GPC6: variants seen among roughly 807,000 people sequenced by gnomAD.
The protein encoded by GPC6 is glypican-6.
GPC6 carries 14 observed loss-of-function variants against 55.2 expected under a neutral mutation model. That is an observed-to-expected ratio of 0.25 (90% CI 0.17 to 0.40). GPC6 has a LOEUF of 0.40. Among genes scored for constraint, GPC6 ranks in the 10% least tolerant of loss-of-function variants. The pLI is 1.00. For synonymous variants in GPC6, 278 were observed against 259.6 expected, an observed-to-expected ratio of 1.07 and a Z score of -0.68; for missense variants, 641 against 708.5, an observed-to-expected ratio of 0.90 and a Z score of 1.08.
upstream of GPC6, among the ~76,000 whole-genome samples, chr13:93,225,170 AGT>A (rs978644823): frequency 1.3e-5 from 2 of 152,164 alleles, no homozygotes; most frequent in African/African-American, 4.8e-5. Context: ...TAGGACAGGA[AGT>A]GTGTGTTTTT....
intron 3 of GPC6, among the ~76,000 whole-genome samples, chr13:93,946,677 G>A (rs1879025685): frequency 1.3e-5 from 2 of 152,258 alleles, no homozygotes; most frequent in South Asian, 4.1e-4. Flanking sequence ...TTTTCCTAGA[G>A]AGGCTGTTAA....
chr13:93,342,052 G>A (rs1246942988), intron 1 of GPC6, among the ~76,000 whole-genome samples: 2 of 151,612 alleles, frequency 1.3e-5, no homozygotes, highest in Non-Finnish European at 2.9e-5. Context: ...TGTATTTTTA[G>A]TAGAGACAGG....
chr13:93,299,927 G>T (rs116924990), intron 1 of GPC6, among the ~76,000 whole-genome samples: 2 of 152,268 alleles, frequency 1.3e-5, no homozygotes, highest in South Asian at 4.1e-4. Flanking sequence ...AATTAATAAA[G>T]CAGGGAAGAT....
rs116489111 is a variant in GPC6, at chr13:93,507,648, T to G, written c.161-37615T>G. Reference sequence around the variant, plus strand: ...ATTTGTCTTTTTATGTTTTTCTTTTTTGGTTCGCCAATATCGACATGAGTG... The same window carrying G: ...ATTTGTCTTTTTATGTTTTTCTTTTGTGGTTCGCCAATATCGACATGAGTG... On this transcript the variant is annotated intron_variant, in intron 1 of 8. Transcript: ENST00000377047. Among the ~76,000 whole-genome samples, 260 of 152,308 alleles carry G rather than the reference T, an allele frequency of 1.7e-3. 2 individuals are homozygous for G. The highest frequency in any genetic ancestry group is 5.7e-3 in the African/African-American group (238 of 41,572).
chr13:93,897,156 G>A (rs1325014242), intron 3 of GPC6, among the ~76,000 whole-genome samples: 1 of 151,938 alleles, frequency 6.6e-6, no homozygotes, highest in Non-Finnish European at 1.5e-5. Flanking sequence ...GTGGTTACCA[G>A]AGGCCGTGAA....
rs77320938 is a variant in GPC6, at chr13:93,641,845, G to A, written c.319+96424G>A. ...TAATAAATAGGTGACACAAACTCAT[G>A]TGATATATACTTTTTTTCAGAAATA... On this transcript the variant is annotated intron_variant, in intron 2 of 8. Transcript: ENST00000377047. Among the ~76,000 whole-genome samples, 1,212 of 152,176 alleles carry A rather than the reference G, an allele frequency of 8.0e-3. 22 individuals are homozygous for A. The highest frequency in any genetic ancestry group is 0.028 in the African/African-American group (1,158 of 41,538).
chr13:94,403,306 G>A lies in GPC6; in HGVS notation c.*89G>A. The A allele has an allele frequency of 1.0e-6, 1 of 961,240 alleles. No homozygotes were observed. The highest frequency in any genetic ancestry group is 1.6e-6 in the Non-Finnish European group (1 of 614,054). The allele number at this position is 961,240 out of a possible 1,614,324, so 59.5% of individuals were successfully genotyped here. A position where few individuals can be genotyped will look rare whatever the true frequency, so the allele number is the denominator to read the frequency against. ...CTTACACTCTTGGACAATGGACCAT[G>A]CCACAAAAACTTACCGTTTTCTATG... is the stretch of plus-strand genomic sequence containing the variant. On this transcript the variant is annotated 3_prime_UTR_variant, in exon 9 of 9. Transcript: ENST00000377047.
chr13:94,107,812 G>T lies in GPC6; in HGVS notation c.877+79918G>T, dbSNP rs145383768. Among the ~76,000 whole-genome samples, 3 of 152,028 alleles carry T rather than the reference G, an allele frequency of 2.0e-5. No homozygotes were observed. The East Asian group carries it at 5.8e-4, about 29-fold the overall frequency. On this transcript the variant is annotated intron_variant, in intron 4 of 8. Transcript: ENST00000377047. ...ATGCTCAACATCACTAACGATCAGG[G>T]AAATGCAAATCAAAACCACAATGTG... is the stretch of plus-strand genomic sequence containing the variant.
chr13:93,608,005 C>G (rs1446233739), intron 2 of GPC6, among the ~76,000 whole-genome samples: 1 of 148,040 alleles, frequency 6.8e-6, no homozygotes, highest in African/African-American at 2.5e-5. Flanking sequence ...ATTCTTTTCT[C>G]TCTTTGGAGC....
intron 1 of GPC6, among the ~76,000 whole-genome samples, chr13:93,439,045 A>T (rs905898686): frequency 6.6e-6 from 1 of 152,208 alleles, no homozygotes. Context: ...ATTTTCTAGC[A>T]GTAAAATATT....
In GPC6 at chr13:94,248,299, C is replaced by T. The variant is rs148752360; in HGVS notation, c.878-38050C>T. Among the ~76,000 whole-genome samples, 83 of 152,166 alleles carry T rather than the reference C, an allele frequency of 5.5e-4. 1 individual carries two copies. The highest frequency in any genetic ancestry group is 1.1e-3 in the Non-Finnish European group (73 of 67,994). On this transcript the variant is annotated intron_variant, in intron 4 of 8. Transcript: ENST00000377047. ...CCTCCTGTTCTGACAGCAACATCTA[C>T]GTTTGGATGAATGCTTCCAAATTTG...
intron 2 of GPC6, among the ~76,000 whole-genome samples, chr13:93,798,562 A>G (rs944134845): frequency 1.3e-5 from 2 of 152,116 alleles, no homozygotes; most frequent in African/African-American, 4.8e-5. Flanking sequence ...GACATGCTAT[A>G]CCTTCCCTGA....
intron 2 of GPC6, among the ~76,000 whole-genome samples, chr13:93,620,945 T>C (rs1288292394): frequency 3.3e-5 from 5 of 152,308 alleles, no homozygotes; most frequent in Non-Finnish European, 5.9e-5. Context: ...TTTTGTGATA[T>C]CTTTTCCCCC....
intron 4 of GPC6, among the ~76,000 whole-genome samples, chr13:94,186,217 T>TTAA (rs201959158): frequency 0.012 from 1,775 of 152,276 alleles, 28 homozygotes; most frequent in African/African-American, 0.04. Context: ...CAGCAATCTT[T>TTAA]TAATATGAGG....
At chr13:93,440,737 C>G (rs1229032312) in intron 1 of GPC6, among the ~76,000 whole-genome samples, 1 of 151,854 alleles carries the variant, frequency 6.6e-6, no homozygotes, top group Non-Finnish European at 1.5e-5. Flanking sequence ...GGTACATGTG[C>G]ACAACGTGCA....
chr13:94,213,571 G>C (rs1248489549), intron 4 of GPC6, among the ~76,000 whole-genome samples: 1 of 152,014 alleles, frequency 6.6e-6, no homozygotes, highest in Non-Finnish European at 1.5e-5. Flanking sequence ...TAGCTCTCGG[G>C]TTGGCAGAGG....
intron 1 of GPC6, among the ~76,000 whole-genome samples, chr13:93,300,385 A>T (rs1878632217): frequency 6.6e-6 from 1 of 152,216 alleles, no homozygotes; most frequent in South Asian, 2.1e-4. Context: ...ACGGTGGCTC[A>T]TGCCTGTAAC....
At chr13:93,421,552 A>AAT (rs1330738905) in intron 1 of GPC6, among the ~76,000 whole-genome samples, 2 of 152,172 alleles carry the variant, frequency 1.3e-5, no homozygotes. Context: ...ATACATTGGG[A>AAT]ATATCCCTCA....
At chr13:94,226,080 C>T (rs1455568710) in intron 4 of GPC6, among the ~76,000 whole-genome samples, 1 of 152,182 alleles carries the variant, frequency 6.6e-6, no homozygotes, top group Non-Finnish European at 1.5e-5. Flanking sequence ...CACACTGCCA[C>T]TCTGCATTTT....
Sources: allele counts gnomAD v4.1 joint callset (sites outside exome capture counted in the v4.1 genomes callset), GRCh38; gene constraint gnomAD v4.1.1; transcripts MANE v1.5; gene names NCBI Gene and HGNC (gene_info 2026-07-23, HGNC 2026-07-21).